The following RAD54B variants were observed in gnomAD, a reference collection of about 807,000 sequenced individuals.
RAD54B encodes the protein RAD54 homolog B.
RAD54B carries 78 observed loss-of-function variants against 95.8 expected under a neutral mutation model. The observed-to-expected ratio is 0.81, with a 90% CI of 0.68 to 0.98. RAD54B has a LOEUF of 0.98. RAD54B is among the 50% of genes least tolerant of loss of function. RAD54B has a pLI of 0.00. For synonymous variants in RAD54B, 328 were observed against 354.9 expected (o/e 0.92, Z 0.85); for missense variants, 957 against 1,056.6 (o/e 0.91, Z 1.31).
chr8:94,416,346 TCA>T (rs951437695), intron 3 of RAD54B, among the ~76,000 whole-genome samples: 1 of 151,750 alleles, frequency 6.6e-6, no homozygotes, highest in African/African-American at 2.4e-5. Flanking sequence ...AAGGGGAACA[TCA>T]CACTCTGGGG....
intron 3 of RAD54B, chr8:94,432,274 A>C (rs918173227): frequency 3.9e-5 from 60 of 1,550,096 alleles, no homozygotes; most frequent in Non-Finnish European, 5.1e-5. Flanking sequence ...TACAATCCAA[A>C]ATTTTTTTGA....
intron 5 of RAD54B, among the ~76,000 whole-genome samples, chr8:94,404,716 C>G (rs1811344197): frequency 6.6e-6 from 1 of 152,122 alleles, no homozygotes; most frequent in Non-Finnish European, 1.5e-5. Flanking sequence ...GATCATTACT[C>G]CTATTAATTA....
intron 11 of RAD54B, among the ~76,000 whole-genome samples, chr8:94,384,071 T>G (rs1810809811): frequency 6.6e-6 from 1 of 152,172 alleles, no homozygotes; most frequent in Non-Finnish European, 1.5e-5. Context: ...ACATGGCACA[T>G]GTATACATAT....
chr8:94,378,309 T>C lies in RAD54B; in HGVS notation c.2386A>G (p.Thr796Ala), dbSNP rs763447551. 1.9e-6 allele frequency: 3 copies of C among 1,614,018 alleles called. No homozygotes were observed. The South Asian group carries it at 3.3e-5, about 18-fold the overall frequency. ...QGLCGAVVDL[T>A]KTSEHIQFSV... ...AACTGAATATGTTCAGATGTCTTGG[T>C]GAGGTCGACAACTGCCCCACAAAGA... The change falls in exon 14 of 15, where the codon ACC becomes GCC. Residue 796 changes from threonine (T) to alanine (A), a missense_variant. By Grantham distance (58) the Thr-to-Ala change is moderately conservative (BLOSUM62 0). Transcript: ENST00000336148.
chr8:94,384,815 C>T (rs1325637940), intron 11 of RAD54B, among the ~76,000 whole-genome samples: 1 of 152,048 alleles, frequency 6.6e-6, no homozygotes, highest in Non-Finnish European at 1.5e-5. Context: ...TTCTTAAGGA[C>T]CCACAAGGAG....
At chr8:94,461,512 T>C (rs1423414154) in intron 2 of RAD54B, among the ~76,000 whole-genome samples, 1 of 151,946 alleles carries the variant, frequency 6.6e-6, no homozygotes, top group Non-Finnish European at 1.5e-5. Flanking sequence ...TAAATAAATT[T>C]TCCAAAAAAA....
chr8:94,401,672 G>C (rs892587657), intron 6 of RAD54B, among the ~76,000 whole-genome samples: 2 of 152,082 alleles, frequency 1.3e-5, no homozygotes, highest in Admixed American at 6.6e-5. Flanking sequence ...TCAGTTAATT[G>C]TATTTCTTCT....
At chr8:94,431,288 C>G (rs1812087012) in intron 3 of RAD54B, 1 of 975,458 alleles carries the variant, frequency 1.0e-6, no homozygotes, top group Non-Finnish European at 1.2e-6. Context: ...TAAGACATGT[C>G]TTTAAATCAC....
At chr8:94,449,803 C>G (rs1275305139) in intron 3 of RAD54B, among the ~76,000 whole-genome samples, 1 of 152,036 alleles carries the variant, frequency 6.6e-6, no homozygotes, top group Non-Finnish European at 1.5e-5. Flanking sequence ...CTTTTTTATT[C>G]ACTTCCATCC....
intron 3 of RAD54B, among the ~76,000 whole-genome samples, chr8:94,441,529 A>C (rs1188785035): frequency 6.6e-6 from 1 of 152,180 alleles, no homozygotes; most frequent in African/African-American, 2.4e-5. Flanking sequence ...AGGGACACAA[A>C]GTTTCCATGC....
At chr8:94,429,634 A>G in intron 3 of RAD54B, 1 of 983,752 alleles carries the variant, frequency 1.0e-6, no homozygotes, top group Non-Finnish European at 1.2e-6. Flanking sequence ...ACTGGGAAAC[A>G]TTACCTCAAA....
At chr8:94,380,119 T>C (rs1384876307) in intron 12 of RAD54B, 26 bp downstream of exon 12, 3 of 1,571,760 alleles carry the variant, frequency 1.9e-6, no homozygotes, top group Non-Finnish European at 2.6e-6. Context: ...TTCAATAATA[T>C]CTATTTAATG....
rs199932533 is a variant in RAD54B at position 94,393,796 on chromosome 8, T to C, written c.1465A>G (p.Arg489Gly). 3.8e-6 allele frequency: 6 copies of C among 1,586,376 alleles called. No homozygotes were observed. Among genetic ancestry groups the C allele is most frequent in the Non-Finnish European group, 5.2e-6 (6 of 1,156,298 alleles). ...ATGATGGGTTCTTCATATATTTTCCTATAAGATGACAAAGAGCCTAATATT... is the reference window on the plus strand; with the variant it reads ...ATGATGGGTTCTTCATATATTTTCCCATAAGATGACAAAGAGCCTAATATT... ...PGILGSLSSY[R>G]KIYEEPIILS... Residue 489 changes from arginine to glycine, a missense_variant, in exon 9 of 15, where the codon AGG becomes GGG. Coordinates refer to ENST00000336148, the MANE Select transcript of RAD54B (RefSeq NM_012415.3).
intron 11 of RAD54B, 63 bp from the exon 12 acceptor site, chr8:94,380,469 G>C: frequency 6.9e-7 from 1 of 1,446,992 alleles, no homozygotes. Context: ...TTTCTTAGTT[G>C]AAAGAAAATA....
chr8:94,395,389 G>A (rs1044607700), intron 8 of RAD54B, among the ~76,000 whole-genome samples: 1 of 152,162 alleles, frequency 6.6e-6, no homozygotes, highest in Non-Finnish European at 1.5e-5. Context: ...GGGAGCTCTA[G>A]AGCATAAACT....
chr8:94,383,043 T>C (rs1266980673), intron 11 of RAD54B, among the ~76,000 whole-genome samples: 1 of 152,096 alleles, frequency 6.6e-6, no homozygotes, highest in Non-Finnish European at 1.5e-5. Flanking sequence ...ACACCTGTAA[T>C]CCCAGCACTT....
At chr8:94,412,170 C>T (rs140194205) in intron 3 of RAD54B, among the ~76,000 whole-genome samples, 201 of 152,218 alleles carry the variant, frequency 1.3e-3, no homozygotes, top group Non-Finnish European at 2.4e-3. Flanking sequence ...TAATGTCCTC[C>T]GGGTTTACCC....
chr8:94,405,373 TGAGAA>T (rs1240863801), intron 5 of RAD54B, among the ~76,000 whole-genome samples: 11 of 152,016 alleles, frequency 7.2e-5, no homozygotes, highest in Admixed American at 2.0e-4. Flanking sequence ...AATGAGGAGA[TGAGAA>T]GAGGAGATAA....
chr8:94,420,497 C>T (rs565725140), intron 3 of RAD54B, among the ~76,000 whole-genome samples: 2 of 151,752 alleles, frequency 1.3e-5, no homozygotes, highest in South Asian at 4.2e-4. Context: ...TGAGCTTAAG[C>T]GTCTGGTCTA....
Sources: gnomAD v4.1 joint callset for allele counts (sites outside exome capture counted in the v4.1 genomes callset) on GRCh38, gnomAD v4.1.1 for gene constraint, MANE v1.5 for transcripts, NCBI Gene and HGNC (gene_info 2026-07-23, HGNC 2026-07-21) for gene names.